The following CEP112 variants were observed in gnomAD, a reference collection of about 807,000 sequenced individuals.
CEP112 encodes centrosomal protein of 112 kDa.
CEP112 carries 127 observed loss-of-function variants against 153.0 expected under a neutral mutation model. The ratio of observed to expected loss-of-function variants is 0.83; its 90% CI spans 0.72 to 0.96. CEP112 has a LOEUF of 0.96. Among genes scored for constraint, CEP112 ranks in the 40% least tolerant of loss-of-function variants. The pLI is 0.00. For synonymous variants in CEP112, 358 were observed against 374.4 expected (o/e 0.96, Z 0.51); for missense variants, 1,089 against 1,101.2 (o/e 0.99, Z 0.16).
chr17:66,132,168 CAAAAAAAAAAAAAAAAAAAAA>C lies in CEP112; in HGVS notation c.564+481_564+501del, dbSNP rs56221578. 3.7e-3 allele frequency among the ~76,000 whole-genome samples: 146 copies of C among 39,884 alleles called. 8 individuals carry two copies. The highest frequency in any genetic ancestry group is 0.036 in the East Asian group (7 of 194). The allele number at this position is 39,884 out of a possible 152,430, so 26.2% of individuals were successfully genotyped here. On this transcript the variant is annotated intron_variant, in intron 5 of 26. Coordinates refer to ENST00000535342, the MANE Select transcript of CEP112 (RefSeq NM_001199165.4). The stretch of plus-strand genomic sequence containing the variant: ...CCTGGGCAACAGTGAGACTCCATCT[CAAAAAAAAAAAAAAAAAAAAA>C]AAAAAAAAAAAAAAAGCTAACTGGA...
In CEP112 at chr17:66,062,763, T is replaced by C. The variant is rs28606643; in HGVS notation, c.1074+200A>G. On this transcript the variant is annotated intron_variant, in intron 11 of 26. Coordinates refer to ENST00000535342, the MANE Select transcript of CEP112 (RefSeq NM_001199165.4). ...GCTAGTCAAAAGAATATTTTCTAAA[T>C]GAAAACTATTTTATAGACCATAGAC... Among the ~76,000 whole-genome samples the C allele has an allele frequency of 5.4e-3, 818 of 152,258 alleles. 7 individuals carry two copies. Among genetic ancestry groups the C allele is most frequent in the African/African-American group, 0.019 (787 of 41,588 alleles).
intron 18 of CEP112, among the ~76,000 whole-genome samples, chr17:65,956,675 G>A (rs2062015570): frequency 6.6e-6 from 1 of 151,900 alleles, no homozygotes; most frequent in Admixed American, 6.6e-5. Context: ...ATTGAATACA[G>A]TATACACCGC....
At chr17:65,701,374 A>G (rs2048623754) in intron 23 of CEP112, among the ~76,000 whole-genome samples, 1 of 152,194 alleles carries the variant, frequency 6.6e-6, no homozygotes, top group Non-Finnish European at 1.5e-5. Context: ...GGGAAGAATA[A>G]GTTTCTGCAT....
chr17:66,124,140 A>T (rs1390611428), intron 6 of CEP112, among the ~76,000 whole-genome samples: 1 of 152,004 alleles, frequency 6.6e-6, no homozygotes, highest in Non-Finnish European at 1.5e-5. Context: ...GTTCTCTAAG[A>T]CTTCTATGAG....
chr17:65,863,863 G>A (rs1247416147), intron 20 of CEP112, among the ~76,000 whole-genome samples: 10 of 151,770 alleles, frequency 6.6e-5, no homozygotes, highest in Non-Finnish European at 1.3e-4. Flanking sequence ...TGCCTCCACG[G>A]CCAGGCACAG....
intron 17 of CEP112, among the ~76,000 whole-genome samples, chr17:65,990,694 G>A (rs9907638): frequency 2.6e-5 from 4 of 152,072 alleles, no homozygotes; most frequent in African/African-American, 9.7e-5. Context: ...TGAACTTGAA[G>A]GGCAGTCTAG....
In CEP112 at chr17:66,054,946, C is replaced by T. The variant is rs1483379889; in HGVS notation, c.1075-1067G>A. 6.0e-5 allele frequency among the ~76,000 whole-genome samples: 9 copies of T among 150,634 alleles called. No homozygotes were observed. In the East Asian group the frequency reaches 1.5e-3, roughly 26 times the overall value. On this transcript the variant is annotated intron_variant, in intron 11 of 26. Coordinates refer to ENST00000535342, the MANE Select transcript of CEP112 (RefSeq NM_001199165.4). ...TAATTTTTTATATTTTTAGTAGAGC[C>T]GGGGTTTCACCATGTTGGTCAGCTT...
intron 10 of CEP112, among the ~76,000 whole-genome samples, chr17:66,065,519 C>T (rs2067081243): frequency 6.6e-6 from 1 of 152,168 alleles, no homozygotes; most frequent in African/African-American, 2.4e-5. Context: ...CAAAATCCTT[C>T]CCTGGCTCTT....
intron 23 of CEP112, among the ~76,000 whole-genome samples, chr17:65,719,250 G>A (rs964409640): frequency 9.2e-5 from 14 of 152,274 alleles, no homozygotes; most frequent in Non-Finnish European, 1.9e-4. Flanking sequence ...ACTACAGCAG[G>A]AGAACCAAAG....
chr17:66,158,885 A>C (rs1037848381), intron 4 of CEP112, among the ~76,000 whole-genome samples: 4 of 152,146 alleles, frequency 2.6e-5, no homozygotes, highest in African/African-American at 9.7e-5. Context: ...GACATAAAAA[A>C]CCCTTCAAAA....
At chr17:66,143,409 T>C (rs575550198) in intron 4 of CEP112, among the ~76,000 whole-genome samples, 1 of 152,304 alleles carries the variant, frequency 6.6e-6, no homozygotes, top group Admixed American at 6.5e-5. Flanking sequence ...ATTTGGGCAG[T>C]GCCTGAAAAA....
intron 23 of CEP112, 66 bp from the exon 24 acceptor site, chr17:65,689,284 T>A: frequency 1.7e-6 from 2 of 1,165,892 alleles, no homozygotes; most frequent in South Asian, 2.6e-5. Flanking sequence ...TTCTACACCA[T>A]GAACTGGCAC....
intron 17 of CEP112, among the ~76,000 whole-genome samples, chr17:65,963,953 A>C (rs1271595821): frequency 2.0e-5 from 3 of 152,224 alleles, no homozygotes; most frequent in Non-Finnish European, 4.4e-5. Flanking sequence ...TCTGTTTTAC[A>C]GATGTAGCCA....
intron 16 of CEP112, among the ~76,000 whole-genome samples, chr17:66,007,801 G>C (rs1490547961): frequency 6.6e-6 from 1 of 152,116 alleles, no homozygotes; most frequent in Non-Finnish European, 1.5e-5. Flanking sequence ...TCTTACACTG[G>C]TGTTTACTTA....
chr17:65,716,217 C>T (rs778870234), intron 23 of CEP112, among the ~76,000 whole-genome samples: 19 of 151,822 alleles, frequency 1.3e-4, no homozygotes, highest in South Asian at 6.2e-4. Flanking sequence ...AGTACAGTGG[C>T]GCAATCTCGG....
At chr17:65,693,847 G>A (rs1186903544) in intron 23 of CEP112, among the ~76,000 whole-genome samples, 1 of 152,146 alleles carries the variant, frequency 6.6e-6, no homozygotes, top group Non-Finnish European at 1.5e-5. Flanking sequence ...TGGGACTGGT[G>A]CCCTTCTAAA....
intron 11 of CEP112, among the ~76,000 whole-genome samples, chr17:66,061,764 A>G (rs1336369298): frequency 6.6e-6 from 1 of 152,178 alleles, no homozygotes; most frequent in Non-Finnish European, 1.5e-5. Context: ...GAGAACAGAT[A>G]GCGATTACAA....
chr17:65,668,302 A>G (rs2046800978), intron 24 of CEP112, among the ~76,000 whole-genome samples: 1 of 152,286 alleles, frequency 6.6e-6, no homozygotes, highest in East Asian at 1.9e-4. Flanking sequence ...TCACACATCG[A>G]AAACATCTCT....
At chr17:66,150,398 G>C (rs1207059487) in intron 4 of CEP112, among the ~76,000 whole-genome samples, 2 of 151,732 alleles carry the variant, frequency 1.3e-5, no homozygotes, top group Non-Finnish European at 2.9e-5. Context: ...ACAAAATACA[G>C]TACAATACCC....
Sources: gnomAD v4.1 joint callset for allele counts (sites outside exome capture counted in the v4.1 genomes callset) on GRCh38, gnomAD v4.1.1 for gene constraint, MANE v1.5 for transcripts, NCBI Gene and HGNC (gene_info 2026-07-23, HGNC 2026-07-21) for gene names.